Variants in ZNF843 observed in about 807,000 individuals in gnomAD.
ZNF843 encodes zinc finger protein 843.
For synonymous variants in ZNF843, 185 were observed against 207.7 expected (o/e 0.89, Z 0.94); for missense variants, 482 against 469.4 (o/e 1.03, Z -0.25).
intron 1 of ZNF843, among the ~76,000 whole-genome samples, chr16:31,438,669 C>T (rs2082191546): frequency 6.6e-6 from 1 of 152,068 alleles, no homozygotes. Flanking sequence ...AAGCATGCTG[C>T]CACCCAGTTA....
In ZNF843 at chr16:31,436,896, G is replaced by A; in HGVS notation, c.-47C>T. On this transcript the variant is annotated 5_prime_UTR_variant, in exon 2 of 2. Transcript: ENST00000315678. ...CGCTCAGGGAGTAACTGTACGGGAGGCTTTGCCGCACTTGGCGCAGCTGTG... is the reference window on the plus strand; with the variant it reads ...CGCTCAGGGAGTAACTGTACGGGAGACTTTGCCGCACTTGGCGCAGCTGTG... 6.9e-7 allele frequency: 1 copy of A among 1,452,804 alleles called. No individual in the cohort carries two copies. Among genetic ancestry groups the A allele is most frequent in the East Asian group, 2.5e-5 (1 of 40,000 alleles). The allele number at this position is 1,452,804 out of a possible 1,614,324, so 90.0% of individuals were successfully genotyped here.
At position 31,436,764 on chromosome 16, in the gene ZNF843, C is replaced by A; in HGVS notation, c.86G>T (p.Gly29Val). Residue 29 changes from glycine (G) to valine (V), a missense_variant, in exon 2 of 2, where the codon GGC becomes GTC. Gly to Val is a moderately radical substitution (Grantham distance 109). Transcript: ENST00000315678. ...GGCCTTGCACTTGCAGGGCTGACGG[C>A]CCTGGGTGAATCTGCCGGTGCTGCA... is the stretch of plus-strand genomic sequence containing the variant. ...TCCSTGRFTQ[G>V]RQPCKCKACG... The A allele has an allele frequency of 1.5e-5, 24 of 1,551,824 alleles. No homozygotes were observed. The highest frequency in any genetic ancestry group is 2.1e-5 in the Non-Finnish European group (24 of 1,147,054).
In ZNF843 at chr16:31,436,173, G is replaced by A. The variant is rs1024980991; in HGVS notation, c.677C>T (p.Pro226Leu). The A allele has an allele frequency of 1.3e-6, 2 of 1,539,714 alleles. No homozygotes were observed. Among genetic ancestry groups the A allele is most frequent in the African/African-American group, 2.7e-5 (2 of 72,838 alleles). ...TGGAACCAGAGGCTGGAGACTGAGT[G>A]GGGGGCCAGGATAAAGGAAGGGAGG... is the stretch of plus-strand genomic sequence containing the variant. ...PRPPFLYPGPPLSLQPLVPSG... is the reference protein window; with the variant it reads ...PRPPFLYPGPLLSLQPLVPSG... The change falls in exon 2 of 2, where the codon CCA becomes CTA. Residue 226 changes from proline (P) to leucine (L), a missense_variant. By Grantham distance (98) the Pro-to-Leu change is moderately conservative (BLOSUM62 -3). Transcript: ENST00000315678.
At chr16:31,437,892 C>T (rs1358824671) in intron 1 of ZNF843, among the ~76,000 whole-genome samples, 12 of 152,078 alleles carry the variant, frequency 7.9e-5, no homozygotes, top group African/African-American at 2.9e-4. Context: ...TCCCAAAGTG[C>T]TGGGATTACA....
At chr16:31,442,496 T>G (rs1187943659) in intron 1 of ZNF843, 140 bp downstream of exon 1, 1 of 151,994 alleles carries the variant, frequency 6.6e-6, no homozygotes, top group Non-Finnish European at 1.5e-5. Context: ...AATTTTTGCA[T>G]TTTTAGTAGA....
At chr16:31,442,456 G>A (rs774909288) in intron 1 of ZNF843, among the ~76,000 whole-genome samples, 180 bp downstream of exon 1, 12 of 152,302 alleles carry the variant, frequency 7.9e-5, no homozygotes, top group Non-Finnish European at 1.3e-4. Context: ...GAGTAGCTGG[G>A]ACCACAGGCG....
rs1448994612 is a variant in ZNF843 at position 31,435,814 on chromosome 16, C to T, written c.1036G>A (p.Ala346Thr). The stretch of plus-strand genomic sequence containing the variant: ...AGCACGCTGGTTCTTCAGTGTCGGG[C>T]CAGGTTGGACCTCCGGCTGGAGGCC... ...WKASSRRSNL[A>T]RH The change falls in exon 2 of 2, where the codon GCC becomes ACC. Residue 346 changes from alanine to threonine, a missense_variant. Coordinates refer to ENST00000315678, the MANE Select transcript of ZNF843 (RefSeq NM_001136509.3). 5 of 1,455,064 alleles carry T rather than the reference C, an allele frequency of 3.4e-6. No individual in the cohort carries two copies. The South Asian group carries it at 5.8e-5, about 17-fold the overall frequency. 90.1% of individuals were successfully genotyped at this position (1,455,064 alleles called of 1,614,324 possible). A position where few individuals can be genotyped will look rare whatever the true frequency, so the allele number is the denominator to read the frequency against.
At chr16:31,437,464 C>T (rs1434918411) in intron 1 of ZNF843, among the ~76,000 whole-genome samples, 1 of 148,290 alleles carries the variant, frequency 6.7e-6, no homozygotes, top group Non-Finnish European at 1.5e-5. Flanking sequence ...CCACTAGGCC[C>T]AGCATTTTTT....
At position 31,435,610 on chromosome 16, in the gene ZNF843, A is replaced by G. The variant is rs2082175587; in HGVS notation, c.*193T>C. On this transcript the variant is annotated 3_prime_UTR_variant, in exon 2 of 2. Transcript: ENST00000315678. ...CAGCCGCACCTGCCTAAATCCCTTA[A>G]TGTATAAGGGAAAGGAGCGAGAATT... 2 of 508,298 alleles carry G rather than the reference A, an allele frequency of 3.9e-6. No homozygotes were observed. Among genetic ancestry groups the G allele is most frequent in the Non-Finnish European group, 3.3e-6 (1 of 307,122 alleles). The allele number at this position is 508,298 out of a possible 1,614,324, so 31.5% of individuals were successfully genotyped here.
chr16:31,441,489 T>G (rs1332233312), intron 1 of ZNF843, among the ~76,000 whole-genome samples: 1 of 152,142 alleles, frequency 6.6e-6, no homozygotes, highest in Non-Finnish European at 1.5e-5. Context: ...TATTATTGAT[T>G]ATTATTAGTA....
At chr16:31,440,887 A>G (rs1220941797) in intron 1 of ZNF843, among the ~76,000 whole-genome samples, 1 of 152,212 alleles carries the variant, frequency 6.6e-6, no homozygotes, top group Admixed American at 6.5e-5. Flanking sequence ...CCTTGTGCCA[A>G]TTAAAAGTAC....
chr16:31,437,209 A>G (rs2082185932), intron 1 of ZNF843, 25 bp from the exon 2 acceptor site: 1 of 216,578 alleles, frequency 4.6e-6, no homozygotes, highest in African/African-American at 2.3e-5. Context: ...AACCACAGAA[A>G]AATTTTACTA....
Position 31,435,651 on chromosome 16 carries a change from A to C in ZNF843, c.*152T>G, listed in dbSNP as rs1194213053. 1.4e-6 allele frequency: 1 copy of C among 734,062 alleles called. No individual in the cohort carries two copies. The highest frequency in any genetic ancestry group is 2.0e-6 in the Non-Finnish European group (1 of 495,228). The allele number at this position is 734,062 out of a possible 1,614,324, so 45.5% of individuals were successfully genotyped here. Reference sequence around the variant, plus strand: ...AGCGAGAATTCAGGGGAAAAAAAACAAACAAAATAGCCCCCAGCACTTCTG... The same window carrying C: ...AGCGAGAATTCAGGGGAAAAAAAACCAACAAAATAGCCCCCAGCACTTCTG... On this transcript the variant is annotated 3_prime_UTR_variant, in exon 2 of 2. Transcript: ENST00000315678.
intron 1 of ZNF843, 113 bp from the exon 2 acceptor site, chr16:31,437,297 C>CTTTTTTTTTTTTTTTT (rs59710664): frequency 1.8e-4 from 15 of 81,998 alleles, no homozygotes; most frequent in African/African-American, 7.5e-4. Flanking sequence ...TTCTTTCCTT[C>CTTTTTTTTTTTTTTTT]TTTTTTTTTT....
intron 1 of ZNF843, among the ~76,000 whole-genome samples, chr16:31,438,917 C>T (rs533333385): frequency 3.0e-4 from 45 of 147,804 alleles, no homozygotes; most frequent in Non-Finnish European, 4.7e-4. Flanking sequence ...AAATAAACAC[C>T]GCATGTTCCC....
Position 31,435,835 on chromosome 16 carries a change from A to C in ZNF843, c.1015T>G (p.Ser339Ala). ...CGGGCCAGGTTGGACCTCCGGCTGG[A>C]GGCCTTCCACACCGGAAACACTGGT... ...ALPVFPVWKASSRRSNLARH is the reference protein window; with the variant it reads ...ALPVFPVWKAASRRSNLARH The change falls in exon 2 of 2, where the codon TCC (serine) becomes GCC (alanine). Residue 339 changes from serine (S) to alanine (A), a missense_variant. Coordinates refer to ENST00000315678, the MANE Select transcript of ZNF843 (RefSeq NM_001136509.3). The C allele has an allele frequency of 6.8e-7, 1 of 1,469,052 alleles. No homozygotes were observed. Among genetic ancestry groups the C allele is most frequent in the East Asian group, 2.5e-5 (1 of 39,864 alleles). 91.0% of individuals were successfully genotyped at this position (1,469,052 alleles called of 1,614,324 possible).
intron 1 of ZNF843, among the ~76,000 whole-genome samples, chr16:31,440,314 C>T (rs1042912853): frequency 2.0e-5 from 3 of 152,186 alleles, no homozygotes; most frequent in African/African-American, 4.8e-5. Context: ...AATATTTTCA[C>T]GTTTGCATAT....
At position 31,436,310 on chromosome 16, in the gene ZNF843, G is replaced by T. The variant is rs762355389; in HGVS notation, c.540C>A (p.Ser180Arg). ...CGACTGAGCTGGGTGCGAGGCTGAC[G>T]CTCTCCACGCTCCCACCCCTGCAGG... ...EKTCRGGSVE[S>R]VSLAPSSVAP... is the part of the protein sequence containing the mutation. Residue 180 changes from serine (S) to arginine (R), a missense_variant, in exon 2 of 2, where the codon AGC becomes AGA. Ser to Arg is a moderately radical substitution (Grantham distance 110, BLOSUM62 -1). Transcript: ENST00000315678. 2.6e-6 allele frequency: 4 copies of T among 1,547,526 alleles called. No homozygotes were observed. Among genetic ancestry groups the T allele is most frequent in the Non-Finnish European group, 3.5e-6 (4 of 1,144,490 alleles).
At position 31,436,122 on chromosome 16, in the gene ZNF843, A is replaced by G. The variant is rs1405843268; in HGVS notation, c.728T>C (p.Val243Ala). 5 of 1,549,742 alleles carry G rather than the reference A, an allele frequency of 3.2e-6. No homozygotes were observed. The highest frequency in any genetic ancestry group is 4.4e-6 in the Non-Finnish European group (5 of 1,146,254). ...VPSGLPAVPA[V>A]PLGGLEVAQV... ...GGCAACTTCCAGGCCTCCCAGAGGC[A>G]CTGCAGGCACTGCGGGAAGGCCGGA... The change falls in exon 2 of 2, where the codon GTG (valine) becomes GCG (alanine). Residue 243 changes from valine (V) to alanine (A), a missense_variant. Transcript: ENST00000315678.
Sources: allele counts gnomAD v4.1 joint callset (sites outside exome capture counted in the v4.1 genomes callset), GRCh38; gene constraint gnomAD v4.1.1; transcripts MANE v1.5; gene names NCBI Gene and HGNC (gene_info 2026-07-23, HGNC 2026-07-21).